Variants in PARP1 observed in about 807,000 individuals in gnomAD.
PARP1 encodes poly [ADP-ribose] polymerase 1.
In PARP1, 44 loss-of-function variants were observed where a neutral mutation model predicts 118.7. The ratio of observed to expected loss-of-function variants is 0.37; its 90% CI spans 0.29 to 0.48. PARP1 has a LOEUF of 0.48. Ranked by LOEUF, PARP1 falls within the 20% of genes least tolerant of loss-of-function variation. The probability of loss-of-function intolerance (pLI) is 0.99; values close to 1 mark genes in which losing one functional copy is unlikely to be tolerated. For synonymous variants in PARP1, 492 were observed against 483.2 expected, an observed-to-expected ratio of 1.02 and a Z score of -0.24; for missense variants, 1,100 against 1,272.4, an observed-to-expected ratio of 0.86 and a Z score of 2.06.
intron 3 of PARP1, among the ~76,000 whole-genome samples, chr1:226,391,579 A>G (rs887363701): frequency 2.0e-5 from 3 of 152,242 alleles, no homozygotes; most frequent in Non-Finnish European, 4.4e-5. Flanking sequence ...TGGAGAAGAT[A>G]CAGCAATTCC....
intron 1 of PARP1, among the ~76,000 whole-genome samples, chr1:226,406,415 T>C (rs1173609826): frequency 1.3e-5 from 2 of 152,208 alleles, no homozygotes; most frequent in South Asian, 2.1e-4. Context: ...GGTTCCTTAG[T>C]GGGCAACAAG....
intron 14 of PARP1, chr1:226,370,926 C>T (rs1558234903): frequency 7.8e-6 from 2 of 257,392 alleles, no homozygotes; most frequent in Non-Finnish European, 1.6e-5. Flanking sequence ...TTAAGTGCAC[C>T]CCTGGGTTCC....
chr1:226,379,513 T>C, intron 11 of PARP1, 60 bp downstream of exon 11: 1 of 1,383,100 alleles, frequency 7.2e-7, no homozygotes, highest in South Asian at 1.2e-5. Flanking sequence ...TGTGTGCTCC[T>C]AGTCAGCTGG....
chr1:226,365,235 C>G, intron 18 of PARP1, 81 bp from the exon 19 acceptor site: 2 of 1,446,324 alleles, frequency 1.4e-6, no homozygotes, highest in Non-Finnish European at 1.9e-6. Context: ...ACTGGATACA[C>G]GAGAAATGAC....
chr1:226,363,188 A>G, intron 20 of PARP1, 28 bp from the exon 21 acceptor site: 2 of 1,526,110 alleles, frequency 1.3e-6, no homozygotes, highest in Non-Finnish European at 1.8e-6. Flanking sequence ...GTCTCAGAAG[A>G]GGCCTTCACA....
At chr1:226,404,849 T>C (rs1354670482) in intron 1 of PARP1, among the ~76,000 whole-genome samples, 1 of 152,196 alleles carries the variant, frequency 6.6e-6, no homozygotes, top group Non-Finnish European at 1.5e-5. Flanking sequence ...CTGGGTTCCC[T>C]TCTGTGCAGA....
intron 2 of PARP1, 116 bp from the exon 3 acceptor site, chr1:226,392,430 G>A: frequency 5.2e-6 from 4 of 775,056 alleles, no homozygotes; most frequent in Non-Finnish European, 9.3e-6. Context: ...TTATGCCTTG[G>A]GAGACTACGA....
At chr1:226,374,997 A>C (rs1317653577) in intron 13 of PARP1, among the ~76,000 whole-genome samples, 2 of 152,226 alleles carry the variant, frequency 1.3e-5, no homozygotes, top group Non-Finnish European at 2.9e-5. Flanking sequence ...CACTGTACTG[A>C]AACTGCTTTA....
At chr1:226,399,943 C>G (rs1338872102) in intron 2 of PARP1, among the ~76,000 whole-genome samples, 1 of 152,068 alleles carries the variant, frequency 6.6e-6, no homozygotes, top group Non-Finnish European at 1.5e-5. Flanking sequence ...GCGGAGCTTA[C>G]GGTGAGCCGA....
chr1:226,401,574 G>A (rs1026204323), intron 2 of PARP1, among the ~76,000 whole-genome samples: 1 of 152,208 alleles, frequency 6.6e-6, no homozygotes, highest in Non-Finnish European at 1.5e-5. Context: ...GTGTTTTATG[G>A]AAAGCTGCTT....
intron 13 of PARP1, among the ~76,000 whole-genome samples, chr1:226,376,004 A>C (rs1664479682): frequency 2.0e-5 from 3 of 152,192 alleles, no homozygotes; most frequent in Non-Finnish European, 2.9e-5. Context: ...AAAATTTTTA[A>C]AGTATTTAAC....
intron 1 of PARP1, 61 bp downstream of exon 1, chr1:226,407,749 C>A: frequency 6.5e-7 from 1 of 1,528,990 alleles, no homozygotes; most frequent in Admixed American, 2.0e-5. Flanking sequence ...CCCAGCCTTC[C>A]CGGACACAGT....
At position 226,383,969 on chromosome 1, in the gene PARP1, G is replaced by C. The variant is rs6674070; in HGVS notation, c.1012-786C>G. 6.8e-3 allele frequency among the ~76,000 whole-genome samples: 1,035 copies of C among 152,320 alleles called. 13 individuals carry two copies. The highest frequency in any genetic ancestry group is 0.024 in the African/African-American group (993 of 41,570). On this transcript the variant is annotated intron_variant, in intron 7 of 22. Transcript: ENST00000366794. ...CTACCAACCATAGTCTGGTTAAAAA[G>C]ACAGTTTCTGCTCTTCAGAAAGTAT...
chr1:226,401,907 G>A (rs1259428905), intron 2 of PARP1: 2 of 1,272,918 alleles, frequency 1.6e-6, no homozygotes, highest in Non-Finnish European at 1.0e-6. Flanking sequence ...GGTGGGAGGG[G>A]GAGGGGGTAC....
chr1:226,377,039 G>A, intron 13 of PARP1, 69 bp downstream of exon 13: 1 of 1,363,308 alleles, frequency 7.3e-7, no homozygotes, highest in Non-Finnish European at 1.0e-6. Flanking sequence ...TCCACGATGT[G>A]GATTTTCTAG....
intron 7 of PARP1, among the ~76,000 whole-genome samples, chr1:226,384,785 C>T (rs1432278181): frequency 6.6e-6 from 1 of 151,600 alleles, no homozygotes; most frequent in Non-Finnish European, 1.5e-5. Context: ...AGGTGTAGAG[C>T]GAGTAATGTC....
At chr1:226,364,385 TAAACTAGCGC>T in intron 19 of PARP1, 2 of 370,694 alleles carry the variant, frequency 5.4e-6, no homozygotes, top group Non-Finnish European at 1.0e-5. Flanking sequence ...CAGTGTTACT[TAAACTAGCGC>T]CTGTCAACAC....
chr1:226,380,013 C>G lies in PARP1; in HGVS notation c.1452G>C (p.Glu484Asp), dbSNP rs1285334645. The G allele has an allele frequency of 1.2e-6, 2 of 1,614,110 alleles. No individual in the cohort carries two copies. The highest frequency in any genetic ancestry group is 1.7e-6 in the Non-Finnish European group (2 of 1,180,056). ...CAACTTCAACAGGCTCTGCCTTCACCTCTGCCCCCCAAGGGGACAAGATGT... is the reference window on the plus strand; with the variant it reads ...CAACTTCAACAGGCTCTGCCTTCACGTCTGCCCCCCAAGGGGACAAGATGT... ...LAHILSPWGA[E>D]VKAEPVEVVA... is the part of the protein sequence containing the mutation. The change falls in exon 10 of 23, where the codon GAG (glutamate) becomes GAC (aspartate). Residue 484 changes from glutamate (E) to aspartate (D), a missense_variant. Physicochemically the swap from Glu to Asp is conservative, Grantham distance 45 (BLOSUM62 2). Coordinates refer to ENST00000366794, the MANE Select transcript of PARP1 (RefSeq NM_001618.4).
In PARP1 at chr1:226,360,845, T is replaced by C. The variant is rs186874898; in HGVS notation, c.*615A>G. The stretch of plus-strand genomic sequence containing the variant: ...ATACTACATATTTCAAGAGCTCCCA[T>C]GTTCAGTATTCCTGGAGAAGGAAAG... On this transcript the variant is annotated 3_prime_UTR_variant, in exon 23 of 23. Coordinates refer to ENST00000366794, the MANE Select transcript of PARP1 (RefSeq NM_001618.4). 4.4e-6 allele frequency: 1 copy of C among 228,618 alleles called. No individual in the cohort carries two copies. The highest frequency in any genetic ancestry group is 2.2e-5 in the African/African-American group (1 of 45,168). The allele number at this position is 228,618 out of a possible 1,614,324, so 14.2% of individuals were successfully genotyped here.
Sources: gnomAD v4.1 joint callset for allele counts (sites outside exome capture counted in the v4.1 genomes callset) on GRCh38, gnomAD v4.1.1 for gene constraint, MANE v1.5 for transcripts, NCBI Gene and HGNC (gene_info 2026-07-23, HGNC 2026-07-21) for gene names.